SPAG17: variants seen among roughly 807,000 people sequenced by gnomAD.
The protein encoded by SPAG17 is sperm associated antigen 17, also known as sperm-associated antigen 17.
SPAG17 carries 169 observed loss-of-function variants against 273.6 expected under a neutral mutation model. The observed-to-expected ratio is 0.62, with a 90% CI of 0.55 to 0.70. The LOEUF (loss-of-function observed/expected upper bound fraction) is 0.70, where lower values mean the gene tolerates loss of function less well. Ranked by LOEUF, SPAG17 falls within the 30% of genes least tolerant of loss-of-function variation. SPAG17 has a pLI of 0.00. For synonymous variants in SPAG17, 825 were observed against 873.2 expected, an observed-to-expected ratio of 0.94 and a Z score of 0.97; for missense variants, 2,557 against 2,627.8, an observed-to-expected ratio of 0.97 and a Z score of 0.59.
In SPAG17 at chr1:118,012,288, T is replaced by C. The variant is rs1450858747; in HGVS notation, c.4372A>G (p.Ile1458Val). 10 of 1,613,636 alleles carry C rather than the reference T, an allele frequency of 6.2e-6. No homozygotes were observed. The highest frequency in any genetic ancestry group is 7.6e-6 in the Non-Finnish European group (9 of 1,179,746). Residue 1458 changes from isoleucine to valine, a missense_variant, in exon 30 of 49, where the codon ATC (isoleucine) becomes GTC (valine). Transcript: ENST00000336338. ...TCATAAACTTGATAAAAGGTTGTGA[T>C]TCTGGTACCATCAGCATGATCCACT... is the stretch of plus-strand genomic sequence containing the variant. The part of the protein sequence containing the change: ...RIVDHADGTR[I>V]TTFYQVYEDQ...
Position 118,081,239 on chromosome 1 carries a change from G to T in SPAG17, c.2071C>A (p.Pro691Thr), listed in dbSNP as rs1654542306. 1.2e-6 allele frequency: 2 copies of T among 1,613,914 alleles called. No individual in the cohort carries two copies. The highest frequency in any genetic ancestry group is 1.7e-6 in the Non-Finnish European group (2 of 1,179,986). ...GCATCACACTGACTAGGATCTGAAGGTTCTCGGTTGCTTTCATTATCTTGC... is the reference window on the plus strand; with the variant it reads ...GCATCACACTGACTAGGATCTGAAGTTTCTCGGTTGCTTTCATTATCTTGC... The part of the protein sequence containing the change: ...SVQDNESNRE[P>T]SDPSQCDANN... Residue 691 changes from proline (P) to threonine (T), a missense_variant, in exon 15 of 49, where the codon CCT (proline) becomes ACT (threonine). By Grantham distance (38) the Pro-to-Thr change is conservative. Transcript: ENST00000336338.
rs150213352 is a variant in SPAG17 at position 118,000,130 on chromosome 1, T to C, written c.4777-3387A>G. ...TCAGGTTTGTCAAAGATCAGATGTT[T>C]GTAGATGTGTGGTGTTATTTCTGAG... On this transcript the variant is annotated intron_variant, in intron 32 of 48. Transcript: ENST00000336338. Among the ~76,000 whole-genome samples, 619 of 152,304 alleles carry C rather than the reference T, an allele frequency of 4.1e-3. 5 individuals carry two copies. Among genetic ancestry groups the C allele is most frequent in the African/African-American group, 0.014 (592 of 41,564 alleles).
In SPAG17 at chr1:118,008,208, A is replaced by T; in HGVS notation, c.4433-10T>A. On this transcript the variant is annotated splice_polypyrimidine_tract_variant and intron_variant, in intron 30 of 48. Transcript: ENST00000336338. ...GTCCGAGGACCCTCGGCTACAAGCA[A>T]ATGCAAGGTAAGCAGATCTGATAGG... 6.2e-7 allele frequency: 1 copy of T among 1,613,342 alleles called. No individual in the cohort carries two copies. Among genetic ancestry groups the T allele is most frequent in the Non-Finnish European group, 8.5e-7 (1 of 1,179,770 alleles).
Position 118,066,885 on chromosome 1 carries a change from G to A in SPAG17, c.2400C>T (p.Ala800=), listed in dbSNP as rs1430935614. ...PKVLLQVLQE[A]HKQYRCVDSY... is the part of the protein sequence containing the mutation. ...AATCAACACACCTATATTGCTTATG[G>A]GCTTCTTGAAGGACCTGAAAATCAA... Residue 800 remains alanine (A), a synonymous_variant, in exon 18 of 49, where the codon GCC becomes GCT. Coordinates refer to ENST00000336338, the MANE Select transcript of SPAG17 (RefSeq NM_206996.4). 15 of 1,602,310 alleles carry A rather than the reference G, an allele frequency of 9.4e-6. No individual in the cohort carries two copies. The highest frequency in any genetic ancestry group is 1.3e-5 in the Non-Finnish European group (15 of 1,176,890).
intron 24 of SPAG17, among the ~76,000 whole-genome samples, chr1:118,034,761 T>C (rs1648882674): frequency 6.6e-6 from 1 of 152,176 alleles, no homozygotes; most frequent in South Asian, 2.1e-4. Context: ...TAGATGGGGT[T>C]CGTTGTCATC....
intron 3 of SPAG17, among the ~76,000 whole-genome samples, chr1:118,117,159 G>A (rs1657136811): frequency 6.6e-6 from 1 of 152,170 alleles, no homozygotes; most frequent in African/African-American, 2.4e-5. Flanking sequence ...TTCAAATGTG[G>A]GTTTTTAAAG....
intron 28 of SPAG17, among the ~76,000 whole-genome samples, chr1:118,017,410 C>A (rs980675524): frequency 6.6e-6 from 1 of 152,042 alleles, no homozygotes; most frequent in African/African-American, 2.4e-5. Flanking sequence ...ACACAGACAA[C>A]TACTAGCAGA....
intron 22 of SPAG17, among the ~76,000 whole-genome samples, chr1:118,040,292 A>G (rs2101922778): frequency 6.6e-6 from 1 of 152,276 alleles, no homozygotes; most frequent in East Asian, 1.9e-4. Context: ...TGCAAATCTT[A>G]GTAAGAGCTA....
intron 3 of SPAG17, among the ~76,000 whole-genome samples, chr1:118,138,294 T>C (rs1346744590): frequency 1.3e-5 from 2 of 152,204 alleles, no homozygotes; most frequent in Non-Finnish European, 2.9e-5. Flanking sequence ...GCAGAGACCA[T>C]GTCTAACTCA....
intron 17 of SPAG17, among the ~76,000 whole-genome samples, chr1:118,068,065 C>T (rs868409591): frequency 4.6e-5 from 7 of 151,654 alleles, no homozygotes; most frequent in African/African-American, 1.7e-4. Context: ...TGTGGGCTTT[C>T]GTTTTTGTTT....
At chr1:118,108,957 C>G (rs1208474352) in intron 4 of SPAG17, among the ~76,000 whole-genome samples, 1 of 152,234 alleles carries the variant, frequency 6.6e-6, no homozygotes, top group South Asian at 2.1e-4. Context: ...TTCTCCTTCT[C>G]TATAATAGGG....
chr1:117,980,549 C>T (rs534843659), intron 43 of SPAG17, among the ~76,000 whole-genome samples: 231 of 152,186 alleles, frequency 1.5e-3, no homozygotes, highest in African/African-American at 5.4e-3. Flanking sequence ...TCTTTTAATT[C>T]ACACTTAAAT....
chr1:117,996,050 A>G (rs1264387245), intron 34 of SPAG17, among the ~76,000 whole-genome samples: 1 of 152,128 alleles, frequency 6.6e-6, no homozygotes, highest in East Asian at 1.9e-4. Flanking sequence ...TCTTACCAAG[A>G]TGAAATGAAC....
chr1:118,127,439 C>A (rs1420962303), intron 3 of SPAG17, among the ~76,000 whole-genome samples: 2 of 152,094 alleles, frequency 1.3e-5, no homozygotes, highest in African/African-American at 4.8e-5. Context: ...GGAGGTGCCA[C>A]ACACTTTTAA....
chr1:117,997,946 G>A (rs12038260), intron 32 of SPAG17, among the ~76,000 whole-genome samples: 9,722 of 152,106 alleles, frequency 0.064, 511 homozygotes, highest in East Asian at 0.31. Context: ...GGGGATAGTC[G>A]TGGTGTTGAA....
chr1:118,064,502 C>T (rs941964894), intron 18 of SPAG17, among the ~76,000 whole-genome samples: 18 of 148,346 alleles, frequency 1.2e-4, no homozygotes, highest in African/African-American at 4.0e-4. Flanking sequence ...AACCAAACAC[C>T]GCATGTTCTC....
chr1:118,020,428 G>A (rs1347077433), intron 28 of SPAG17, among the ~76,000 whole-genome samples: 1 of 149,990 alleles, frequency 6.7e-6, no homozygotes, highest in Non-Finnish European at 1.5e-5. Context: ...GAGTGACACT[G>A]TGTCTCAAGA....
At chr1:118,011,259 G>T (rs1005531417) in intron 30 of SPAG17, among the ~76,000 whole-genome samples, 21 of 152,136 alleles carry the variant, frequency 1.4e-4, no homozygotes, top group African/African-American at 5.1e-4. Flanking sequence ...TTACTGTAGA[G>T]ACACATACAC....
At position 118,041,960 on chromosome 1, in the gene SPAG17, G is replaced by A. The variant is rs1318976741; in HGVS notation, c.2897C>T (p.Ala966Val). 6.2e-7 allele frequency: 1 copy of A among 1,613,720 alleles called. No individual in the cohort carries two copies. Among genetic ancestry groups the A allele is most frequent in the Non-Finnish European group, 8.5e-7 (1 of 1,179,818 alleles). Residue 966 changes from alanine to valine, a missense_variant, in exon 21 of 49, where the codon GCT becomes GTT. By Grantham distance (64) the Ala-to-Val change is moderately conservative. Coordinates refer to ENST00000336338, the MANE Select transcript of SPAG17 (RefSeq NM_206996.4). ...GTTATCCTTGCCTTTCTTTTTACCA[G>A]CTTCTTTACCCTTCTTCTCTGCTTT... is the stretch of plus-strand genomic sequence containing the variant. ...EKKAEKKGKE[A>V]GKKKGKDNAE...
Sources: gnomAD v4.1 joint callset for allele counts (sites outside exome capture counted in the v4.1 genomes callset) on GRCh38, gnomAD v4.1.1 for gene constraint, MANE v1.5 for transcripts, NCBI Gene and HGNC (gene_info 2026-07-23, HGNC 2026-07-21) for gene names.